SDK1: variants seen among roughly 807,000 people sequenced by gnomAD.
SDK1 encodes protein sidekick-1.
Under a neutral mutation model 245.5 loss-of-function variants are expected in SDK1, and 157 were observed. The ratio of observed to expected loss-of-function variants is 0.64; its 90% CI spans 0.56 to 0.73. The LOEUF (loss-of-function observed/expected upper bound fraction) is 0.73. Among genes scored for constraint, SDK1 ranks in the 30% least tolerant of loss-of-function variants. The probability of loss-of-function intolerance (pLI) is 0.00; values close to 1 mark genes in which losing one functional copy is unlikely to be tolerated. For missense variants in SDK1, 3,583 were observed against 3,002.3 expected (o/e 1.19, Z -4.52); for synonymous variants, 1,647 against 1,278.5 (o/e 1.29, Z -6.15).
At chr7:3,619,964 A>T (rs544717031) in intron 2 of SDK1, among the ~76,000 whole-genome samples, 65 of 152,184 alleles carry the variant, frequency 4.3e-4, no homozygotes, top group Non-Finnish European at 6.9e-4. Context: ...ACTTTTGAGG[A>T]TGATAATATT....
chr7:4,139,715 G>GTATA (rs1486253274), intron 28 of SDK1, among the ~76,000 whole-genome samples: 9 of 39,048 alleles, frequency 2.3e-4, no homozygotes, highest in African/African-American at 4.8e-4. Context: ...ATGTGTGTGT[G>GTATA]TGTGTATGTG....
chr7:3,620,415 G>A (rs1364941490), intron 2 of SDK1, among the ~76,000 whole-genome samples: 1 of 151,780 alleles, frequency 6.6e-6, no homozygotes, highest in Admixed American at 6.6e-5. Flanking sequence ...TGATTCTCCT[G>A]CCTCAGCCTC....
rs141264743 is a variant in SDK1, at chr7:3,608,279, A to G, written c.299-10801A>G. Among the ~76,000 whole-genome samples the G allele has an allele frequency of 1.6e-3, 237 of 152,316 alleles. 4 individuals carry two copies. Among genetic ancestry groups the G allele is most frequent in the Admixed American group, 0.015 (225 of 15,302 alleles). On this transcript the variant is annotated intron_variant, in intron 1 of 44. Transcript: ENST00000404826. ...ATATAAACTCTTCTGCTGTACGCCA[A>G]AATGTGCCGGTTGTCTCAAGGCAAA...
intron 1 of SDK1, among the ~76,000 whole-genome samples, chr7:3,378,441 G>C (rs1326700615): frequency 6.6e-6 from 1 of 152,030 alleles, no homozygotes. Context: ...GCGTTTCTTC[G>C]AGCATATTCA....
At chr7:4,221,559 G>A (rs189266310) in intron 40 of SDK1, among the ~76,000 whole-genome samples, 195 bp downstream of exon 40, 8 of 152,300 alleles carry the variant, frequency 5.3e-5, no homozygotes, top group East Asian at 3.9e-4. Flanking sequence ...ACAACTGTGC[G>A]GTTCACCTTA....
At chr7:3,361,430 G>A (rs1780949286) in intron 1 of SDK1, among the ~76,000 whole-genome samples, 1 of 152,082 alleles carries the variant, frequency 6.6e-6, no homozygotes, top group African/African-American at 2.4e-5. Context: ...TCTGTTTCAA[G>A]TTCTTGCCCT....
chr7:3,643,499 A>ATCTGTGG, intron 4 of SDK1: 1 of 143,386 alleles, frequency 7.0e-6, no homozygotes, highest in Non-Finnish European at 1.5e-5. Flanking sequence ...CCACCTGAGC[A>ATCTGTGG]ACTGTGGAAT....
chr7:3,618,933 A>T, intron 1 of SDK1, 147 bp from the exon 2 acceptor site: 1 of 619,322 alleles, frequency 1.6e-6, no homozygotes, highest in Non-Finnish European at 2.7e-6. Context: ...GGGTTTGGTA[A>T]AGGATTATTT....
At chr7:3,361,567 T>C (rs1351818044) in intron 1 of SDK1, among the ~76,000 whole-genome samples, 1 of 152,188 alleles carries the variant, frequency 6.6e-6, no homozygotes, top group East Asian at 1.9e-4. Context: ...AATCTACAAT[T>C]TTACCCTCCC....
intron 22 of SDK1, among the ~76,000 whole-genome samples, chr7:4,094,357 C>T (rs1272587903): frequency 4.6e-5 from 7 of 152,200 alleles, no homozygotes; most frequent in African/African-American, 1.2e-4. Flanking sequence ...CCACCGCGCC[C>T]GGCCCAGCCG....
In SDK1 at chr7:4,252,229, C is replaced by T. The variant is rs561009825; in HGVS notation, c.6381+6424C>T. On this transcript the variant is annotated intron_variant, in intron 44 of 44. Transcript: ENST00000404826. ...CACCTCCCCCCACCCCACAACAGGC[C>T]CCAGTGTGTGATGTTCCCCTTCCTG... Among the ~76,000 whole-genome samples the T allele has an allele frequency of 2.9e-3, 429 of 147,502 alleles. 3 individuals carry two copies. Among genetic ancestry groups the T allele is most frequent in the African/African-American group, 0.011 (420 of 39,418 alleles).
chr7:3,947,088 A>G (rs1186927553), intron 5 of SDK1, among the ~76,000 whole-genome samples: 1 of 152,200 alleles, frequency 6.6e-6, no homozygotes, highest in Non-Finnish European at 1.5e-5. Flanking sequence ...CTCAAAATAT[A>G]GTCCAAACAG....
At chr7:3,314,171 T>C (rs1413410192) in intron 1 of SDK1, among the ~76,000 whole-genome samples, 6 of 151,600 alleles carry the variant, frequency 4.0e-5, no homozygotes, top group Admixed American at 6.6e-5. Context: ...GGGATACATA[T>C]AGGCAAGCCA....
At position 3,877,052 on chromosome 7, in the gene SDK1, G is replaced by A. The variant is rs552198621; in HGVS notation, c.847+55469G>A. ...CTTCATTCTTACATTCAGAGGTGAC[G>A]TGGGCATAGTTGAAAGGTCACAGTT... On this transcript the variant is annotated intron_variant, in intron 5 of 44. Coordinates refer to ENST00000404826, the MANE Select transcript of SDK1 (RefSeq NM_152744.4). Among the ~76,000 whole-genome samples, 34 of 152,228 alleles carry A rather than the reference G, an allele frequency of 2.2e-4. 1 individual carries two copies. In the South Asian group the frequency reaches 6.2e-3, roughly 28 times the overall value.
chr7:4,226,137 C>T (rs77791004), intron 40 of SDK1, among the ~76,000 whole-genome samples: 2,210 of 152,294 alleles, frequency 0.015, 23 homozygotes, highest in Non-Finnish European at 0.022. Context: ...GCTGTATCAT[C>T]TCATTTTCCC....
chr7:4,190,805 C>G (rs1783156035), intron 35 of SDK1, among the ~76,000 whole-genome samples: 1 of 152,234 alleles, frequency 6.6e-6, no homozygotes, highest in African/African-American at 2.4e-5. Context: ...AGCAGCTTCT[C>G]AGAGAGCTCC....
At chr7:4,154,954 G>C (rs1464012898) in intron 30 of SDK1, among the ~76,000 whole-genome samples, 1 of 152,058 alleles carries the variant, frequency 6.6e-6, no homozygotes, top group Non-Finnish European at 1.5e-5. Flanking sequence ...CATGGCAGGA[G>C]CAACGGGGGT....
rs936770476 is a variant in SDK1 at position 3,645,638 on chromosome 7, C to T, written c.713+3533C>T. On this transcript the variant is annotated intron_variant, in intron 4 of 44. Coordinates refer to ENST00000404826, the MANE Select transcript of SDK1 (RefSeq NM_152744.4). ...GTTTAAAAATTAAAAAATCTAGATG[C>T]GAAAACCCAATATATTGCTTTCCAT... Among the ~76,000 whole-genome samples the T allele has an allele frequency of 1.1e-4, 16 of 152,068 alleles. No individual in the cohort carries two copies. The South Asian group carries it at 1.5e-3, about 14-fold the overall frequency.
intron 1 of SDK1, among the ~76,000 whole-genome samples, chr7:3,600,756 G>A (rs544855680): frequency 2.6e-5 from 4 of 152,002 alleles, no homozygotes; most frequent in African/African-American, 2.4e-5. Context: ...CACCGTGTTA[G>A]CCAGGATGGT....
Sources: gnomAD v4.1 joint callset for allele counts (sites outside exome capture counted in the v4.1 genomes callset) on GRCh38, gnomAD v4.1.1 for gene constraint, MANE v1.5 for transcripts, NCBI Gene and HGNC (gene_info 2026-07-23, HGNC 2026-07-21) for gene names.